Variants in KCNQ1 observed in about 807,000 individuals in gnomAD.
KCNQ1 encodes the protein potassium voltage-gated channel subfamily KQT member 1.
Under a neutral mutation model 72.4 loss-of-function variants are expected in KCNQ1, and 49 were observed. That is an observed-to-expected ratio of 0.68 (90% CI 0.54 to 0.86). The LOEUF (loss-of-function observed/expected upper bound fraction) is 0.86, where lower values mean the gene tolerates loss of function less well. Among genes scored for constraint, KCNQ1 ranks in the 40% least tolerant of loss-of-function variants. The pLI is 0.00. For synonymous variants in KCNQ1, 450 were observed against 412.6 expected, an observed-to-expected ratio of 1.09 and a Z score of -1.10; for missense variants, 790 against 945.1, an observed-to-expected ratio of 0.84 and a Z score of 2.15.
At position 2,626,912 on chromosome 11, in the gene KCNQ1, T is replaced by G. The variant is rs1045833131; in HGVS notation, c.1394-35049T>G. 18 of 398,540 alleles carry G rather than the reference T, an allele frequency of 4.5e-5. No homozygotes were observed. Among genetic ancestry groups the G allele is most frequent in the Admixed American group, 1.3e-4 (3 of 22,734 alleles). 24.7% of individuals were successfully genotyped at this position (398,540 alleles called of 1,614,324 possible). On this transcript the variant is annotated intron_variant, in intron 10 of 15. Coordinates refer to ENST00000155840, the MANE Select transcript of KCNQ1 (RefSeq NM_000218.3). The surrounding 1 kb of genome is among the most constrained non-coding windows in gnomAD (Gnocchi z 4.0). ...AATGTTTTAGCTATTCAAGGTCCCT[T>G]GAGATTCCATGTGAATTTTAGGATG...
Position 2,698,217 on chromosome 11 carries a change from A to G in KCNQ1, c.1514+36136A>G, listed in dbSNP as rs1324368813. On this transcript the variant is annotated intron_variant, in intron 11 of 15. Transcript: ENST00000155840. This position sits in a 1 kb window ranked among gnomAD's most constrained non-coding sequence, Gnocchi z 5.1. The stretch of plus-strand genomic sequence containing the variant: ...CAGTAAAGAAAGAACTGGTAAATGC[A>G]CATCAAATGTGGATATTATCAGGAA... The G allele has an allele frequency of 5.0e-6, 2 of 398,538 alleles. No individual in the cohort carries two copies. The highest frequency in any genetic ancestry group is 4.1e-5 in the African/African-American group (2 of 48,622). 24.7% of individuals were successfully genotyped at this position (398,538 alleles called of 1,614,324 possible).
At chr11:2,512,170 A>G (rs890720895) in intron 1 of KCNQ1, among the ~76,000 whole-genome samples, 8 of 152,198 alleles carry the variant, frequency 5.3e-5, no homozygotes, top group Non-Finnish European at 1.5e-5. Flanking sequence ...AACCTGGGCC[A>G]TAAGCTCGCT....
At chr11:2,548,267 C>T (rs943195244) in intron 2 of KCNQ1, among the ~76,000 whole-genome samples, 15 of 152,270 alleles carry the variant, frequency 9.9e-5, no homozygotes, top group Admixed American at 4.6e-4. Flanking sequence ...ATGGTGGCTT[C>T]GTCCAGGGAG....
chr11:2,459,721 T>C (rs1249004669), intron 1 of KCNQ1, among the ~76,000 whole-genome samples: 1 of 151,816 alleles, frequency 6.6e-6, no homozygotes, highest in African/African-American at 2.4e-5. Flanking sequence ...CCCTCCTGCC[T>C]ACAAAGAGTT....
intron 10 of KCNQ1, chr11:2,650,716 G>T: frequency 2.5e-6 from 1 of 398,632 alleles, no homozygotes; most frequent in South Asian, 1.3e-4. Flanking sequence ...CTGGGCAGGG[G>T]ACTAGAATGC....
chr11:2,739,015 C>G (rs940149743), intron 11 of KCNQ1, among the ~76,000 whole-genome samples: 1 of 152,172 alleles, frequency 6.6e-6, no homozygotes, highest in Non-Finnish European at 1.5e-5. Flanking sequence ...GAGGATGGCT[C>G]GAGCCCTGCT....
At chr11:2,732,967 G>A (rs1249796777) in intron 11 of KCNQ1, among the ~76,000 whole-genome samples, 4 of 152,130 alleles carry the variant, frequency 2.6e-5, no homozygotes, top group Non-Finnish European at 4.4e-5. Flanking sequence ...GGGGGCTGGT[G>A]ACCACCCACA....
chr11:2,759,256 CT>C lies in KCNQ1; in HGVS notation c.1515-9587del, dbSNP rs891627131. 2.0e-5 allele frequency among the ~76,000 whole-genome samples: 3 copies of C among 152,194 alleles called. No individual in the cohort carries two copies. The highest frequency in any genetic ancestry group is 2.9e-5 in the Non-Finnish European group (2 of 68,020). On this transcript the variant is annotated intron_variant, in intron 11 of 15. Transcript: ENST00000155840. The surrounding 1 kb of genome is among the most constrained non-coding windows in gnomAD (Gnocchi z 4.4). The stretch of plus-strand genomic sequence containing the variant: ...GTGCTCAAGGAAGAGTCTGGAAGGC[CT>C]GCAAGGCCCTCATGCCTACGAGGTG...
intron 10 of KCNQ1, among the ~76,000 whole-genome samples, chr11:2,590,341 C>T (rs1294038082): frequency 6.6e-6 from 1 of 152,212 alleles, no homozygotes; most frequent in Non-Finnish European, 1.5e-5. Context: ...GGCACTTGCC[C>T]GATGCTGCAC....
rs1049261332 is a variant in KCNQ1 at position 2,781,512 on chromosome 11, T to C, written c.1794+3475T>C. On this transcript the variant is annotated intron_variant, in intron 15 of 15. Coordinates refer to ENST00000155840, the MANE Select transcript of KCNQ1 (RefSeq NM_000218.3). The surrounding 1 kb of genome is among the most constrained non-coding windows in gnomAD (Gnocchi z 6.6). ...GGAGAGGTCCGGAGAGAGCTGGCCC[T>C]GCCCACTCCCCCTCTGGCCCCACTG... Among the ~76,000 whole-genome samples, 7 of 152,170 alleles carry C rather than the reference T, an allele frequency of 4.6e-5. No individual in the cohort carries two copies. The highest frequency in any genetic ancestry group is 8.8e-5 in the Non-Finnish European group (6 of 68,014).
intron 1 of KCNQ1, among the ~76,000 whole-genome samples, chr11:2,520,481 G>A (rs1219524390): frequency 6.6e-6 from 1 of 152,210 alleles, no homozygotes; most frequent in Non-Finnish European, 1.5e-5. Flanking sequence ...ACCCTGCTGA[G>A]GCTGCCTGCT....
At position 2,612,947 on chromosome 11, in the gene KCNQ1, G is replaced by T. The variant is rs80102379; in HGVS notation, c.1393+24093G>T. The stretch of plus-strand genomic sequence containing the variant: ...ATGCCTTCTCTGCATGGATTCTGCA[G>T]AGTCTGTGTTCTCCTGCAGTGTGCA... On this transcript the variant is annotated intron_variant, in intron 10 of 15. Transcript: ENST00000155840. This position sits in a 1 kb window ranked among gnomAD's most constrained non-coding sequence, Gnocchi z 5.5. 6,787 of 398,524 alleles carry T rather than the reference G, an allele frequency of 0.017. 74 individuals are homozygous for T. Among genetic ancestry groups the T allele is most frequent in the Middle Eastern group, 0.04 (63 of 1,588 alleles). The allele number at this position is 398,524 out of a possible 1,614,324, so 24.7% of individuals were successfully genotyped here. A position where few individuals can be genotyped will look rare whatever the true frequency, so the allele number is the denominator to read the frequency against.
At chr11:2,696,751 T>A in intron 11 of KCNQ1, 1 of 398,574 alleles carries the variant, frequency 2.5e-6, no homozygotes, top group Non-Finnish European at 4.4e-6. Flanking sequence ...GTTTTAAAAT[T>A]TTTTCCATAA....
At chr11:2,466,684 C>G (rs1307529388) in intron 1 of KCNQ1, among the ~76,000 whole-genome samples, 2 of 152,218 alleles carry the variant, frequency 1.3e-5, no homozygotes, top group Non-Finnish European at 1.5e-5. Flanking sequence ...TTCAGATATG[C>G]TGGCCAGCCT....
Position 2,750,292 on chromosome 11 carries a change from G to A in KCNQ1, c.1515-18552G>A, listed in dbSNP as rs1420987492. ...GCCCTCAGCCCAGGGCGGAGGACAT[G>A]GGAGACGGGGGTATAGCTGTTGGGC... is the stretch of plus-strand genomic sequence containing the variant. On this transcript the variant is annotated intron_variant, in intron 11 of 15. Transcript: ENST00000155840. This position sits in a 1 kb window ranked among gnomAD's most constrained non-coding sequence, Gnocchi z 6.3. Among the ~76,000 whole-genome samples the A allele has an allele frequency of 2.0e-5, 3 of 152,194 alleles. No individual in the cohort carries two copies. The highest frequency in any genetic ancestry group is 2.4e-5 in the African/African-American group (1 of 41,426).
chr11:2,780,162 C>T (rs1315032119), intron 15 of KCNQ1, among the ~76,000 whole-genome samples: 1 of 152,180 alleles, frequency 6.6e-6, no homozygotes, highest in Non-Finnish European at 1.5e-5. Flanking sequence ...GGCTGCCCAT[C>T]AAGGAGTTGA....
At position 2,538,299 on chromosome 11, in the gene KCNQ1, G is replaced by A. The variant is rs906971856; in HGVS notation, c.477+10281G>A. On this transcript the variant is annotated intron_variant, in intron 2 of 15. Coordinates refer to ENST00000155840, the MANE Select transcript of KCNQ1 (RefSeq NM_000218.3). The surrounding 1 kb of genome is among the most constrained non-coding windows in gnomAD (Gnocchi z 6.7). ...CCTTCCCTTCTTGGTCTCTCTCTTG[G>A]GCAGGGAAGGGCGGTGGACATGGAG... is the stretch of plus-strand genomic sequence containing the variant. 6.6e-6 allele frequency among the ~76,000 whole-genome samples: 1 copy of A among 152,142 alleles called. No homozygotes were observed. Among genetic ancestry groups the A allele is most frequent in the African/African-American group, 2.4e-5 (1 of 41,420 alleles).
rs1274223588 is a variant in KCNQ1 at position 2,748,955 on chromosome 11, T to C, written c.1515-19889T>C. On this transcript the variant is annotated intron_variant, in intron 11 of 15. Transcript: ENST00000155840. This position sits in a 1 kb window ranked among gnomAD's most constrained non-coding sequence, Gnocchi z 6.2. The stretch of plus-strand genomic sequence containing the variant: ...GAGTCTAACTGGGGCTGTGCTGCCT[T>C]TGACGTGAGCTATTCAAAATGGCGG... 6.6e-6 allele frequency among the ~76,000 whole-genome samples: 1 copy of C among 152,230 alleles called. No homozygotes were observed. The highest frequency in any genetic ancestry group is 2.4e-5 in the African/African-American group (1 of 41,460).
rs1040778585 is a variant in KCNQ1 at position 2,481,021 on chromosome 11, A to G, written c.386+35537A>G. Among the ~76,000 whole-genome samples the G allele has an allele frequency of 3.3e-5, 5 of 152,220 alleles. No homozygotes were observed. The highest frequency in any genetic ancestry group is 1.2e-4 in the African/African-American group (5 of 41,454). The stretch of plus-strand genomic sequence containing the variant: ...TTCTTGCAACTTCTCTATAAGTTTG[A>G]AATGAAATCATATAAATCGAAAGTT... On this transcript the variant is annotated intron_variant, in intron 1 of 15. Coordinates refer to ENST00000155840, the MANE Select transcript of KCNQ1 (RefSeq NM_000218.3). This position sits in a 1 kb window ranked among gnomAD's most constrained non-coding sequence, Gnocchi z 4.6.
Sources: allele counts gnomAD v4.1 joint callset (sites outside exome capture counted in the v4.1 genomes callset), GRCh38; gene constraint gnomAD v4.1.1; non-coding constraint Gnocchi (gnomAD v3.1); transcripts MANE v1.5; gene names NCBI Gene and HGNC (gene_info 2026-07-23, HGNC 2026-07-21).